The following RLF variants were observed in gnomAD, a reference collection of about 807,000 sequenced individuals.
RLF encodes zinc finger protein Rlf.
Under a neutral mutation model 162.9 loss-of-function variants are expected in RLF, and 7 were observed. The ratio of observed to expected loss-of-function variants is 0.04; its 90% CI spans 0.02 to 0.08. RLF has a LOEUF of 0.08. Ranked by LOEUF, RLF falls within the 10% of genes least tolerant of loss-of-function variation. RLF has a pLI of 1.00. For synonymous variants in RLF, 782 were observed against 791.5 expected (o/e 0.99, Z 0.20); for missense variants, 1,664 against 2,244.7 (o/e 0.74, Z 5.23).
At position 40,176,681 on chromosome 1, in the gene RLF, G is replaced by T. The variant is rs376517804; in HGVS notation, c.238-12374G>T. 8.5e-5 allele frequency among the ~76,000 whole-genome samples: 13 copies of T among 152,246 alleles called. 1 individual carries two copies. The highest frequency in any genetic ancestry group is 3.9e-4 in the East Asian group (2 of 5,172). ...TGGTCTCAAACTTTTGGTCTCAAAC[G>T]ATCCTCCCGCCTTGGCCTTCCAAAA... is the stretch of plus-strand genomic sequence containing the variant. On this transcript the variant is annotated intron_variant, in intron 1 of 7. Coordinates refer to ENST00000372771, the MANE Select transcript of RLF (RefSeq NM_012421.4).
chr1:40,170,293 G>A (rs1225607565), intron 1 of RLF, among the ~76,000 whole-genome samples: 2 of 151,624 alleles, frequency 1.3e-5, no homozygotes, highest in East Asian at 1.9e-4. Context: ...TTGCTGTGTC[G>A]CTCAGGCTGG....
chr1:40,171,247 T>C (rs1642240475), intron 1 of RLF, among the ~76,000 whole-genome samples: 1 of 152,120 alleles, frequency 6.6e-6, no homozygotes, highest in Admixed American at 6.6e-5. Context: ...CAGGCTGGTC[T>C]TCAACTTGAG....
At position 40,239,213 on chromosome 1, in the gene RLF, A is replaced by G. The variant is rs753699842; in HGVS notation, c.4511A>G (p.His1504Arg). 4.3e-6 allele frequency: 7 copies of G among 1,614,190 alleles called. No individual in the cohort carries two copies. The highest frequency in any genetic ancestry group is 5.9e-6 in the Non-Finnish European group (7 of 1,180,036). ...CQTADTQGHE[H>R]QTTRRSFNAK... ...ACAGCTGATACTCAGGGGCATGAAC[A>G]TCAGACCACCAGGAGATCATTTAAT... is the stretch of plus-strand genomic sequence containing the variant. The change falls in exon 8 of 8, where the codon CAT becomes CGT. Residue 1504 changes from histidine to arginine, a missense_variant. By Grantham distance (29) the His-to-Arg change is conservative. Coordinates refer to ENST00000372771, the MANE Select transcript of RLF (RefSeq NM_012421.4).
At chr1:40,170,483 AC>A (rs1330313405) in intron 1 of RLF, among the ~76,000 whole-genome samples, 2 of 151,862 alleles carry the variant, frequency 1.3e-5, no homozygotes, top group African/African-American at 4.8e-5. Context: ...CTGGTTTCAA[AC>A]TGCTGAGCTC....
chr1:40,203,244 A>G (rs1365720660), intron 5 of RLF, among the ~76,000 whole-genome samples: 1 of 150,940 alleles, frequency 6.6e-6, no homozygotes, highest in Non-Finnish European at 1.5e-5. Context: ...CCTCCCAAGT[A>G]GCTGGGACTA....
intron 7 of RLF, among the ~76,000 whole-genome samples, chr1:40,232,092 C>G (rs974639851): frequency 1.3e-5 from 2 of 152,040 alleles, no homozygotes; most frequent in Non-Finnish European, 2.9e-5. Flanking sequence ...CCTGTAATCC[C>G]AGCTACTTTG....
chr1:40,208,852 C>G (rs964708941), intron 5 of RLF, among the ~76,000 whole-genome samples: 1 of 152,150 alleles, frequency 6.6e-6, no homozygotes, highest in African/African-American at 2.4e-5. Context: ...TAGAAATTAA[C>G]TGAGGCTCTG....
At chr1:40,210,903 A>G (rs569142994) in intron 5 of RLF, among the ~76,000 whole-genome samples, 1 of 152,350 alleles carries the variant, frequency 6.6e-6, no homozygotes, top group South Asian at 2.1e-4. Flanking sequence ...ATTAATAACA[A>G]TGTTTGGAAA....
intron 5 of RLF, among the ~76,000 whole-genome samples, chr1:40,209,930 AATTT>A (rs1466746779): frequency 6.6e-6 from 1 of 151,968 alleles, no homozygotes; most frequent in East Asian, 1.9e-4. Flanking sequence ...CCTGTATGCT[AATTT>A]ATTTATTTGC....
chr1:40,177,664 T>C (rs1642346072), intron 1 of RLF, among the ~76,000 whole-genome samples: 1 of 152,190 alleles, frequency 6.6e-6, no homozygotes, highest in Admixed American at 6.5e-5. Context: ...CTAAGAAATC[T>C]GTCTAATCCG....
rs1363457129 is a variant in RLF at position 40,239,571 on chromosome 1, A to G, written c.4869A>G (p.Thr1623=). 1 of 1,614,080 alleles carries G rather than the reference A, an allele frequency of 6.2e-7. No individual in the cohort carries two copies. Among genetic ancestry groups the G allele is most frequent in the Non-Finnish European group, 8.5e-7 (1 of 1,180,046 alleles). ...ATAGAAGCTGTGAATCAGAGCGCACAGAACACAGCCATTCCCCGGGTGACA... is the reference window on the plus strand; with the variant it reads ...ATAGAAGCTGTGAATCAGAGCGCACGGAACACAGCCATTCCCCGGGTGACA... The part of the protein sequence containing the change: ...EENRSCESER[T]EHSHSPGDSS... The change falls in exon 8 of 8, where the codon ACA becomes ACG. Residue 1623 remains threonine, a synonymous_variant. Transcript: ENST00000372771.
chr1:40,166,036 G>C (rs1261062561), intron 1 of RLF, among the ~76,000 whole-genome samples: 4 of 152,204 alleles, frequency 2.6e-5, no homozygotes, highest in Non-Finnish European at 5.9e-5. Flanking sequence ...TCAGCAGGCA[G>C]AATTAGGTGG....
chr1:40,167,543 T>C (rs2124523087), intron 1 of RLF, among the ~76,000 whole-genome samples: 1 of 152,256 alleles, frequency 6.6e-6, no homozygotes, highest in Non-Finnish European at 1.5e-5. Flanking sequence ...GATCATACTC[T>C]TCTGAATAGT....
At chr1:40,217,685 T>C (rs1475664702) in intron 5 of RLF, among the ~76,000 whole-genome samples, 1 of 151,800 alleles carries the variant, frequency 6.6e-6, no homozygotes, top group Non-Finnish European at 1.5e-5. Context: ...GGCAGGAGAA[T>C]TGCATGAACC....
At chr1:40,231,379 T>G in intron 6 of RLF, 138 bp from the exon 7 acceptor site, 1 of 645,514 alleles carries the variant, frequency 1.5e-6, no homozygotes, top group Non-Finnish European at 2.7e-6. Context: ...AAAGCAGTGG[T>G]GAATATAGAC....
intron 5 of RLF, among the ~76,000 whole-genome samples, chr1:40,211,451 A>T (rs1030229881): frequency 3.3e-5 from 5 of 152,208 alleles, no homozygotes; most frequent in African/African-American, 1.2e-4. Context: ...GTGATATATC[A>T]TTCTGTTCAT....
rs764311289 is a variant in RLF at position 40,239,903 on chromosome 1, G to T, written c.5201G>T (p.Gly1734Val). 1 of 1,613,476 alleles carries T rather than the reference G, an allele frequency of 6.2e-7. No homozygotes were observed. Among genetic ancestry groups the T allele is most frequent in the African/African-American group, 1.3e-5 (1 of 74,854 alleles). Reference sequence around the variant, plus strand: ...TCAGAAACTAGGCAGCATAGTTCAGGGCAAGAAAACACTGTAAAAAATCCA... The same window carrying T: ...TCAGAAACTAGGCAGCATAGTTCAGTGCAAGAAAACACTGTAAAAAATCCA... ...KESETRQHSS[G>V]QENTVKNPTH... The change falls in exon 8 of 8, where the codon GGG (glycine) becomes GTG (valine). Residue 1734 changes from glycine to valine, a missense_variant. By Grantham distance (109) the Gly-to-Val change is moderately radical (BLOSUM62 -3). Around this residue, in one of 15 missense-constraint regions of RLF, gnomAD observed 327 missense variants for 342.7 expected, o/e 0.95. Transcript: ENST00000372771.
intron 1 of RLF, among the ~76,000 whole-genome samples, chr1:40,184,254 A>G (rs1642443087): frequency 6.6e-6 from 1 of 152,194 alleles, no homozygotes; most frequent in African/African-American, 2.4e-5. Context: ...CTTGGACATT[A>G]ATTTTTTCAA....
chr1:40,202,934 A>C (rs897375924), intron 5 of RLF, among the ~76,000 whole-genome samples: 1 of 152,056 alleles, frequency 6.6e-6, no homozygotes, highest in South Asian at 2.1e-4. Flanking sequence ...GGGAATGCAG[A>C]AGTTGTTAAT....
Sources: allele counts gnomAD v4.1 joint callset (sites outside exome capture counted in the v4.1 genomes callset), GRCh38; gene constraint gnomAD v4.1.1; regional missense constraint gnomAD v4.1.1; transcripts MANE v1.5; gene names NCBI Gene and HGNC (gene_info 2026-07-23, HGNC 2026-07-21).